The following API5 variants were observed in gnomAD, a reference collection of about 807,000 sequenced individuals.
API5 encodes the protein apoptosis inhibitor 5, also known as FIF.
Under a neutral mutation model 71.9 loss-of-function variants are expected in API5, and 6 were observed. The ratio of observed to expected loss-of-function variants is 0.08; its 90% confidence interval spans 0.05 to 0.16. The LOEUF (loss-of-function observed/expected upper bound fraction) is 0.16, where lower values mean the gene tolerates loss of function less well. Ranked by LOEUF, API5 falls within the 10% of genes least tolerant of loss-of-function variation. API5 has a pLI of 1.00. For synonymous variants in API5, 189 were observed against 221.3 expected, an observed-to-expected ratio of 0.85 and a Z score of 1.30; for missense variants, 332 against 612.8, an observed-to-expected ratio of 0.54 and a Z score of 4.84.
chr11:43,313,827 G>A (rs552852941), intron 1 of API5, among the ~76,000 whole-genome samples: 4 of 152,184 alleles, frequency 2.6e-5, no homozygotes, highest in Non-Finnish European at 4.4e-5. Context: ...GGTGGCTCAC[G>A]CCTGTAATCC....
At chr11:43,319,373 A>G (rs975735985) in intron 2 of API5, among the ~76,000 whole-genome samples, 1 of 152,208 alleles carries the variant, frequency 6.6e-6, no homozygotes, top group African/African-American at 2.4e-5. Context: ...GTCTTTTCAG[A>G]TGAAACAGCG....
intron 13 of API5, 139 bp from the exon 14 acceptor site, chr11:43,342,289 T>C: frequency 1.4e-6 from 1 of 689,742 alleles, no homozygotes. Context: ...AGGCTAAATT[T>C]GTAGATTGAA....
chr11:43,327,585 C>T (rs12292698), intron 7 of API5, among the ~76,000 whole-genome samples: 240 of 152,270 alleles, frequency 1.6e-3, no homozygotes, highest in African/African-American at 5.6e-3. Flanking sequence ...GTGACTTTGT[C>T]GAGTCACATA....
chr11:43,322,997 G>C (rs1166571767), intron 5 of API5, among the ~76,000 whole-genome samples: 2 of 152,092 alleles, frequency 1.3e-5, no homozygotes, highest in Non-Finnish European at 2.9e-5. Context: ...ATATTAATAT[G>C]AATTAGGCTG....
intron 13 of API5, among the ~76,000 whole-genome samples, chr11:43,340,654 A>G (rs1357775166): frequency 6.6e-6 from 1 of 152,156 alleles, no homozygotes; most frequent in Non-Finnish European, 1.5e-5. Flanking sequence ...ATTTTTTACA[A>G]AGGTGGCAAG....
At chr11:43,336,716 G>T (rs1855445076) in intron 13 of API5, among the ~76,000 whole-genome samples, 1 of 152,084 alleles carries the variant, frequency 6.6e-6, no homozygotes, top group Non-Finnish European at 1.5e-5. Flanking sequence ...TGCTTAAGAA[G>T]ACAAAGTTTA....
chr11:43,315,015 T>C (rs937086214), intron 1 of API5, among the ~76,000 whole-genome samples: 1 of 152,232 alleles, frequency 6.6e-6, no homozygotes, highest in Non-Finnish European at 1.5e-5. Context: ...GTACTAAGTT[T>C]CCTGGCAAAT....
chr11:43,337,351 G>C (rs773132299), intron 13 of API5, among the ~76,000 whole-genome samples: 1 of 152,090 alleles, frequency 6.6e-6, no homozygotes, highest in Non-Finnish European at 1.5e-5. Flanking sequence ...AGTAGATTCT[G>C]AACCATATAA....
intron 1 of API5, among the ~76,000 whole-genome samples, chr11:43,313,389 C>T (rs552621823): frequency 3.9e-5 from 6 of 152,178 alleles, no homozygotes; most frequent in Non-Finnish European, 8.8e-5. Context: ...GAACCAGGCT[C>T]TCCTGGAGGT....
chr11:43,317,410 G>A (rs1202831863), intron 1 of API5, among the ~76,000 whole-genome samples: 1 of 151,952 alleles, frequency 6.6e-6, no homozygotes, highest in African/African-American at 2.4e-5. Context: ...CATGAGCTTT[G>A]AGTGTATTGT....
chr11:43,312,087 G>T lies in API5; in HGVS notation c.-41G>T. The stretch of plus-strand genomic sequence containing the variant: ...CCGAGGCGGCGGTGGCGCCGGTCAG[G>T]ACAAGGATAGCGGAACCGGGCCCTG... On this transcript the variant is annotated 5_prime_UTR_variant, in exon 1 of 14. Coordinates refer to ENST00000531273, the MANE Select transcript of API5 (RefSeq NM_001142930.2). 9 of 1,611,008 alleles carry T rather than the reference G, an allele frequency of 5.6e-6. No homozygotes were observed. The highest frequency in any genetic ancestry group is 1.7e-5 in the Admixed American group (1 of 59,942).
chr11:43,336,172 C>T, intron 13 of API5, 178 bp downstream of exon 13: 1 of 788,710 alleles, frequency 1.3e-6, no homozygotes. Flanking sequence ...CTCATTCACC[C>T]TTCTGGGCTG....
chr11:43,339,845 G>A (rs1565114582), intron 13 of API5, among the ~76,000 whole-genome samples: 3 of 152,122 alleles, frequency 2.0e-5, no homozygotes. Context: ...ATTGATTATT[G>A]ATAATTTAAG....
intron 13 of API5, among the ~76,000 whole-genome samples, chr11:43,339,648 C>T (rs552599129): frequency 3.3e-5 from 5 of 152,090 alleles, no homozygotes; most frequent in Non-Finnish European, 7.4e-5. Flanking sequence ...CTCAGACGCA[C>T]ATACACACAT....
At chr11:43,337,904 A>G (rs1167673046) in intron 13 of API5, among the ~76,000 whole-genome samples, 1 of 152,218 alleles carries the variant, frequency 6.6e-6, no homozygotes, top group African/African-American at 2.4e-5. Context: ...ATCAGGTGAT[A>G]TAATGCATGT....
chr11:43,321,869 G>C, intron 4 of API5, 116 bp from the exon 5 acceptor site: 2 of 1,029,142 alleles, frequency 1.9e-6, no homozygotes, highest in Non-Finnish European at 2.8e-6. Flanking sequence ...TAATGAGGAT[G>C]ATATTTGGGA....
chr11:43,323,563 C>T lies in API5; in HGVS notation c.677C>T (p.Thr226Ile). 6.2e-7 allele frequency: 1 copy of T among 1,614,126 alleles called. No individual in the cohort carries two copies. Among genetic ancestry groups the T allele is most frequent in the Non-Finnish European group, 8.5e-7 (1 of 1,179,980 alleles). The change falls in exon 6 of 14, where the codon ACC becomes ATC. Residue 226 changes from threonine (T) to isoleucine (I), a missense_variant. By Grantham distance (89) the Thr-to-Ile change is moderately conservative. Around this residue, in one of 3 missense-constraint regions of API5, gnomAD observed 37 missense variants for 31.3 expected, o/e 1.18. Transcript: ENST00000531273. The part of the protein sequence containing the change: ...LVAEQADLEQ[T>I]FNPSDPDCVD... ...GCTGAACAGGCCGACCTAGAACAGA[C>T]CTTCAATCCCTCGGATCCTGACTGT...
At chr11:43,340,069 T>C (rs1855562697) in intron 13 of API5, among the ~76,000 whole-genome samples, 1 of 152,046 alleles carries the variant, frequency 6.6e-6, no homozygotes, top group Non-Finnish European at 1.5e-5. Flanking sequence ...AAAAAACTCA[T>C]AGAACTGATA....
chr11:43,339,026 C>G (rs1460908109), intron 13 of API5, among the ~76,000 whole-genome samples: 1 of 152,148 alleles, frequency 6.6e-6, no homozygotes, highest in African/African-American at 2.4e-5. Flanking sequence ...AGAGAAACCA[C>G]CTCTGATTTT....
Sources: gnomAD v4.1 joint callset for allele counts (sites outside exome capture counted in the v4.1 genomes callset) on GRCh38, gnomAD v4.1.1 for gene constraint, gnomAD v4.1.1 regional missense constraint, MANE v1.5 for transcripts, NCBI Gene and HGNC (gene_info 2026-07-23, HGNC 2026-07-21) for gene names.